The following CAMK2B variants were observed in gnomAD, a reference collection of about 807,000 sequenced individuals.
CAMK2B encodes the protein calcium/calmodulin dependent protein kinase II beta.
A neutral mutation model predicts 93.7 loss-of-function variants in CAMK2B; 27 were observed. The observed-to-expected ratio is 0.29, with a 90% CI of 0.21 to 0.40. The LOEUF (loss-of-function observed/expected upper bound fraction) is 0.40, where lower values mean the gene tolerates loss of function less well. Ranked by LOEUF, CAMK2B falls within the 10% of genes least tolerant of loss-of-function variation. The pLI is 1.00. For synonymous variants in CAMK2B, 374 were observed against 358.8 expected (o/e 1.04, Z -0.48); for missense variants, 568 against 895.8 (o/e 0.63, Z 4.67).
At position 44,234,414 on chromosome 7, in the gene CAMK2B, T is replaced by G; in HGVS notation, c.1107A>C (p.Lys369Asn). The G allele has an allele frequency of 6.5e-7, 1 of 1,542,062 alleles. No homozygotes were observed. The highest frequency in any genetic ancestry group is 8.7e-7 in the Non-Finnish European group (1 of 1,147,830). Residue 369 changes from lysine to asparagine, a missense_variant, in exon 15 of 24, where the codon AAA becomes AAC. Physicochemically the swap from Lys to Asn is moderately conservative, Grantham distance 94. This residue lies in a region of CAMK2B where 308 missense variants were observed against 292.1 expected (regional missense o/e 1.05). Coordinates refer to ENST00000395749, the MANE Select transcript of CAMK2B (RefSeq NM_001220.5). The stretch of plus-strand genomic sequence containing the variant: ...CCAGGGCGGCAGGAGGAAGCGTCCC[T>G]TTGGGGCTGGTGGCGGCTGCACTGT... ...TKNSAAATSP[K>N]GTLPPAALEP...
At chr7:44,299,357 G>C (rs1180590359) in intron 1 of CAMK2B, among the ~76,000 whole-genome samples, 1 of 152,158 alleles carries the variant, frequency 6.6e-6, no homozygotes, top group Non-Finnish European at 1.5e-5. Context: ...AGAGAAAGTA[G>C]AACAGAGGTT....
Position 44,247,213 on chromosome 7 carries a change from G to A in CAMK2B, c.342-21C>T, listed in dbSNP as rs369709111. 71 of 1,610,320 alleles carry A rather than the reference G, an allele frequency of 4.4e-5. No homozygotes were observed. The African/African-American group carries it at 8.3e-4, about 19-fold the overall frequency. ...AGTGACTGTGGCAAACAGCAGGTGG[G>A]TTAGTGCGAGTGGCCCTGGGGAGCA... On this transcript the variant is annotated intron_variant, in intron 5 of 23. Transcript: ENST00000395749.
intron 1 of CAMK2B, among the ~76,000 whole-genome samples, chr7:44,318,553 A>G (rs1795341670): frequency 1.3e-5 from 2 of 152,226 alleles, no homozygotes; most frequent in African/African-American, 4.8e-5. Context: ...TCCTTGCTGG[A>G]AACGGCACTC....
rs972983607 is a variant in CAMK2B at position 44,229,404 on chromosome 7, G to A, written c.1323C>T (p.Ser441=). 3 of 1,521,442 alleles carry A rather than the reference G, an allele frequency of 2.0e-6. No homozygotes were observed. Among genetic ancestry groups the A allele is most frequent in the African/African-American group, 1.4e-5 (1 of 71,212 alleles). The allele number at this position is 1,521,442 out of a possible 1,614,324, so 94.2% of individuals were successfully genotyped here. A position where few individuals can be genotyped will look rare whatever the true frequency, so the allele number is the denominator to read the frequency against. ...PLPCPSPAPF[S]PLPAPSPRIS... ...GCTACTTACATGGGGCTGGCAGGGG[G>A]CTAAAGGGAGCCGGAGATGGGCAGG... Residue 441 remains serine (S), a synonymous_variant, in exon 18 of 24, where the codon AGC becomes AGT. Coordinates refer to ENST00000395749, the MANE Select transcript of CAMK2B (RefSeq NM_001220.5).
At chr7:44,241,479 A>G (rs2096678088) in intron 11 of CAMK2B, among the ~76,000 whole-genome samples, 1 of 152,242 alleles carries the variant, frequency 6.6e-6, no homozygotes, top group Non-Finnish European at 1.5e-5. Flanking sequence ...GAGGTGGCAC[A>G]GACAACTAGG....
chr7:44,303,967 T>C (rs1036471310), intron 1 of CAMK2B, among the ~76,000 whole-genome samples: 2 of 152,288 alleles, frequency 1.3e-5, no homozygotes, highest in Non-Finnish European at 2.9e-5. Context: ...AGAAGATATA[T>C]GGATGGAAAA....
intron 2 of CAMK2B, among the ~76,000 whole-genome samples, chr7:44,279,085 A>G (rs567562097): frequency 6.7e-6 from 1 of 149,526 alleles, no homozygotes; most frequent in African/African-American, 2.6e-5. Flanking sequence ...CACAGGCTGC[A>G]TATGAGATGG....
At position 44,228,833 on chromosome 7, in the gene CAMK2B, G is replaced by A; in HGVS notation, c.1431C>T (p.Cys477=). ...GGGGGCCTAGGAGAGCCGGAGACAG[G>A]CAGGGCGGGGGCCCCGCTGAGAGGG... ...EGPLSAGPPP[C]LSPALLGPLS... The change falls in exon 19 of 24, where the codon TGC becomes TGT. Residue 477 remains cysteine, a synonymous_variant. Coordinates refer to ENST00000395749, the MANE Select transcript of CAMK2B (RefSeq NM_001220.5). The A allele has an allele frequency of 5.3e-6, 8 of 1,499,444 alleles. No homozygotes were observed. The highest frequency in any genetic ancestry group is 7.1e-6 in the Non-Finnish European group (8 of 1,128,740). 92.9% of individuals were successfully genotyped at this position (1,499,444 alleles called of 1,614,324 possible).
At chr7:44,255,123 A>C (rs142040561) in intron 4 of CAMK2B, among the ~76,000 whole-genome samples, 1 of 152,042 alleles carries the variant, frequency 6.6e-6, no homozygotes, top group African/African-American at 2.4e-5. Context: ...ATCAGAGCCT[A>C]AAGACACGGT....
chr7:44,322,692 A>C (rs555167950), intron 1 of CAMK2B, among the ~76,000 whole-genome samples: 1 of 152,336 alleles, frequency 6.6e-6, no homozygotes, highest in African/African-American at 2.4e-5. Flanking sequence ...AGGGCCCCAG[A>C]AAGCGGCCCC....
intron 1 of CAMK2B, among the ~76,000 whole-genome samples, chr7:44,304,138 G>A (rs187770089): frequency 6.6e-6 from 1 of 152,292 alleles, no homozygotes; most frequent in Admixed American, 6.5e-5. Flanking sequence ...CTCATTCATT[G>A]TTGGTAGGAA....
At chr7:44,320,205 C>A (rs766494455) in intron 1 of CAMK2B, among the ~76,000 whole-genome samples, 1 of 151,984 alleles carries the variant, frequency 6.6e-6, no homozygotes, top group African/African-American at 2.4e-5. Flanking sequence ...GATGACGAAA[C>A]GAAGTAACAT....
Position 44,325,338 on chromosome 7 carries a change from C to T in CAMK2B, c.65+19G>A. 1.6e-6 allele frequency: 2 copies of T among 1,229,350 alleles called. No individual in the cohort carries two copies. The highest frequency in any genetic ancestry group is 3.3e-5 in the South Asian group (2 of 61,096). The allele number at this position is 1,229,350 out of a possible 1,614,324, so 76.2% of individuals were successfully genotyped here. A position where few individuals can be genotyped will look rare whatever the true frequency, so the allele number is the denominator to read the frequency against. On this transcript the variant is annotated intron_variant, in intron 1 of 23. Coordinates refer to ENST00000395749, the MANE Select transcript of CAMK2B (RefSeq NM_001220.5). ...CCTCTGGGGTCCCCGGCCCAGCCCG[C>T]GCGCGCCGCTGCTCTTACTTGCCAA...
At chr7:44,252,592 G>A (rs56898552) in intron 5 of CAMK2B, among the ~76,000 whole-genome samples, 12,416 of 151,742 alleles carry the variant, frequency 0.082, 664 homozygotes, top group Non-Finnish European at 0.11. Flanking sequence ...AACCCTAGCT[G>A]TGGGATCCGA....
intron 20 of CAMK2B, 156 bp from the exon 21 acceptor site, chr7:44,221,057 G>A (rs2096398156): frequency 1.7e-6 from 1 of 605,780 alleles, no homozygotes; most frequent in Non-Finnish European, 2.9e-6. Flanking sequence ...CGCCCCCCCT[G>A]CATCACCAGT....
rs1583964792 is a variant in CAMK2B, at chr7:44,234,470, A to G, written c.1060-9T>C. ...GTGCTATTCGTCTGGGGCTGTGGAG[A>G]GAGGGAAGAGGAACTCTTAGGTGGG... is the stretch of plus-strand genomic sequence containing the variant. On this transcript the variant is annotated splice_polypyrimidine_tract_variant and intron_variant, in intron 14 of 23. Transcript: ENST00000395749. The G allele has an allele frequency of 6.4e-7, 1 of 1,571,146 alleles. No homozygotes were observed. The highest frequency in any genetic ancestry group is 8.6e-7 in the Non-Finnish European group (1 of 1,160,500).
intron 17 of CAMK2B, among the ~76,000 whole-genome samples, chr7:44,230,714 G>A (rs987366672): frequency 7.2e-5 from 11 of 152,218 alleles, no homozygotes; most frequent in African/African-American, 2.4e-4. Context: ...CTGTTTCCCC[G>A]TGAGGGTCCT....
At chr7:44,264,782 G>A (rs73097715) in intron 2 of CAMK2B, among the ~76,000 whole-genome samples, 5,387 of 152,268 alleles carry the variant, frequency 0.035, 132 homozygotes, top group Middle Eastern at 0.071. Context: ...TTGTGATGGC[G>A]GAACTGGAAC....
intron 1 of CAMK2B, among the ~76,000 whole-genome samples, chr7:44,314,145 C>G (rs1253139259): frequency 6.6e-6 from 1 of 152,146 alleles, no homozygotes; most frequent in Non-Finnish European, 1.5e-5. Flanking sequence ...ATATACCAAA[C>G]AATTCACCCA....
Sources: allele counts gnomAD v4.1 joint callset (sites outside exome capture counted in the v4.1 genomes callset), GRCh38; gene constraint gnomAD v4.1.1; regional missense constraint gnomAD v4.1.1; transcripts MANE v1.5; gene names NCBI Gene and HGNC (gene_info 2026-07-23, HGNC 2026-07-21).